CASK: variants seen among roughly 807,000 people sequenced by gnomAD.
The protein encoded by CASK is peripheral plasma membrane protein CASK.
In CASK, 4 loss-of-function variants were observed where a neutral mutation model predicts 82.9. The ratio of observed to expected loss-of-function variants is 0.05; its 90% confidence interval spans 0.02 to 0.11. The LOEUF (loss-of-function observed/expected upper bound fraction) is 0.11, where lower values mean the gene tolerates loss of function less well. Ranked by LOEUF, CASK falls within the 10% of genes least tolerant of loss-of-function variation. CASK has a pLI of 1.00. For synonymous variants in CASK, 259 were observed against 253.5 expected, an observed-to-expected ratio of 1.02 and a Z score of -0.20; for missense variants, 358 against 720.9, an observed-to-expected ratio of 0.50 and a Z score of 5.76.
At chrX:41,561,203 A>AG (rs1200797850) in intron 17 of CASK, among the ~76,000 whole-genome samples, 1 of 111,449 alleles carries the variant, frequency 9.0e-6, no homozygotes, top group African/African-American at 3.3e-5. Flanking sequence ...AACAGGAAAG[A>AG]GGTTTCTGAC....
At chrX:41,656,787 C>T (rs1287962061) in intron 8 of CASK, among the ~76,000 whole-genome samples, 1 of 110,867 alleles carries the variant, frequency 9.0e-6, no homozygotes, top group East Asian at 2.8e-4. Flanking sequence ...GGGGAGTATG[C>T]TGATATAATG....
At chrX:41,603,706 T>A (rs2065923404) in intron 12 of CASK, among the ~76,000 whole-genome samples, 1 of 111,822 alleles carries the variant, frequency 8.9e-6, no homozygotes, top group Admixed American at 9.5e-5. Context: ...ACAAAAATAA[T>A]CTTAATTAGG....
chrX:41,644,281 G>A (rs757000837), intron 8 of CASK, among the ~76,000 whole-genome samples: 27 of 112,207 alleles, frequency 2.4e-4, no homozygotes, highest in African/African-American at 7.8e-4. Context: ...GCAGAAGAAC[G>A]TGGATTATGA....
chrX:41,729,981 TA>T (rs1312191972), intron 5 of CASK: 26 of 110,830 alleles, frequency 2.3e-4, no homozygotes, highest in Admixed American at 3.3e-4. Flanking sequence ...ATATTATGAT[TA>T]AAAAAAAAAG....
chrX:41,723,269 T>C (rs1175920583), intron 5 of CASK, among the ~76,000 whole-genome samples: 1 of 111,982 alleles, frequency 8.9e-6, no homozygotes, highest in Non-Finnish European at 1.9e-5. Context: ...CTGTTCTCTT[T>C]TTCAGACTCC....
In CASK at chrX:41,717,854, G is replaced by A. The variant is rs774105065; in HGVS notation, c.429+21530C>T. Among the ~76,000 whole-genome samples the A allele has an allele frequency of 1.2e-4, 13 of 112,102 alleles. No individual in the cohort carries two copies. In the South Asian group the frequency reaches 2.9e-3, roughly 25 times the overall value. ...CTATGAAATATATATTTGGTCTTTC[G>A]TCTGTTGTCTGGCATACAACCCCTA... On this transcript the variant is annotated intron_variant, in intron 5 of 26. Coordinates refer to ENST00000378163, the MANE Select transcript of CASK (RefSeq NM_001367721.1).
chrX:41,923,034 G>T lies in CASK; in HGVS notation c.-46C>A. 7 of 1,139,078 alleles carry T rather than the reference G, an allele frequency of 6.1e-6. No individual in the cohort carries two copies. The highest frequency in any genetic ancestry group is 8.4e-6 in the Non-Finnish European group (7 of 830,143). The allele number at this position is 1,139,078 out of a possible 1,213,427, so 93.9% of individuals were successfully genotyped here. A position where few individuals can be genotyped will look rare whatever the true frequency, so the allele number is the denominator to read the frequency against. On this transcript the variant is annotated 5_prime_UTR_variant, in exon 1 of 27. Transcript: ENST00000378163. Reference sequence around the variant, plus strand: ...CGCAGCGTGGAGGGCTTCGAAAACGGGGGTGGGGGCGCCCAAGAGCTCAGT... The same window carrying T: ...CGCAGCGTGGAGGGCTTCGAAAACGTGGGTGGGGGCGCCCAAGAGCTCAGT...
At chrX:41,913,815 T>C (rs1204380705) in intron 1 of CASK, among the ~76,000 whole-genome samples, 4 of 112,188 alleles carry the variant, frequency 3.6e-5, no homozygotes, top group Non-Finnish European at 7.5e-5. Flanking sequence ...TATCATTCCT[T>C]TTATAAATAA....
chrX:41,832,907 G>A (rs1462889621), intron 2 of CASK, among the ~76,000 whole-genome samples: 2 of 111,535 alleles, frequency 1.8e-5, no homozygotes, highest in Non-Finnish European at 3.8e-5. Flanking sequence ...ATGCTTTGGG[G>A]CCACTTTAAG....
chrX:41,860,289 G>A (rs2071453421), intron 1 of CASK, among the ~76,000 whole-genome samples: 1 of 110,768 alleles, frequency 9.0e-6, no homozygotes, highest in Admixed American at 9.6e-5. Context: ...CAGTTCTGAC[G>A]TTAAGAATTG....
chrX:41,918,055 G>A (rs1214892179), intron 1 of CASK, among the ~76,000 whole-genome samples: 3 of 111,771 alleles, frequency 2.7e-5, no homozygotes, highest in Non-Finnish European at 5.6e-5. Flanking sequence ...TGGTATTTCT[G>A]GAATATCTAC....
At chrX:41,891,863 T>A (rs2072176149) in intron 1 of CASK, among the ~76,000 whole-genome samples, 1 of 112,052 alleles carries the variant, frequency 8.9e-6, no homozygotes, top group South Asian at 3.7e-4. Context: ...TTAAAAAGTA[T>A]GAGGAAAACT....
chrX:41,715,996 G>T (rs1248333674), intron 5 of CASK, among the ~76,000 whole-genome samples: 1 of 111,679 alleles, frequency 9.0e-6, no homozygotes, highest in Non-Finnish European at 1.9e-5. Context: ...CCCGGTGGAA[G>T]ATGTGAATGA....
chrX:41,761,212 CACA>C (rs1409150479), intron 3 of CASK, among the ~76,000 whole-genome samples: 2 of 111,576 alleles, frequency 1.8e-5, no homozygotes, highest in African/African-American at 3.3e-5. Flanking sequence ...ATATGAAAAC[CACA>C]ACAAGTTCCT....
At chrX:41,896,433 A>T (rs1279763199) in intron 1 of CASK, among the ~76,000 whole-genome samples, 2 of 112,506 alleles carry the variant, frequency 1.8e-5, no homozygotes, top group Non-Finnish European at 3.8e-5. Flanking sequence ...AACAGATAAT[A>T]TAGGGAAAAG....
intron 1 of CASK, among the ~76,000 whole-genome samples, chrX:41,865,912 G>T (rs2071583285): frequency 8.9e-6 from 1 of 111,855 alleles, no homozygotes. Flanking sequence ...GGGGGAGGGG[G>T]TCACCTACTG....
At chrX:41,754,339 T>G (rs1043319271) in intron 3 of CASK, among the ~76,000 whole-genome samples, 1 of 111,249 alleles carries the variant, frequency 9.0e-6, no homozygotes, top group Non-Finnish European at 1.9e-5. Context: ...AGGTCAAGGC[T>G]GCAGTGAGCC....
intron 24 of CASK, among the ~76,000 whole-genome samples, chrX:41,534,486 A>C (rs2064849084): frequency 9.1e-6 from 1 of 110,178 alleles, no homozygotes; most frequent in African/African-American, 3.3e-5. Context: ...ACAACAGAGA[A>C]GCCTAGAAGG....
At chrX:41,914,978 G>C (rs2072646942) in intron 1 of CASK, among the ~76,000 whole-genome samples, 1 of 111,752 alleles carries the variant, frequency 8.9e-6, no homozygotes, top group Non-Finnish European at 1.9e-5. Context: ...TATTCATTTT[G>C]ATAAGTGCTT....
Sources: allele counts gnomAD v4.1 joint callset (sites outside exome capture counted in the v4.1 genomes callset), GRCh38; gene constraint gnomAD v4.1.1; transcripts MANE v1.5; gene names NCBI Gene and HGNC (gene_info 2026-07-23, HGNC 2026-07-21).